The following ZKSCAN5 variants were observed in gnomAD, a reference collection of about 807,000 sequenced individuals.
The protein encoded by ZKSCAN5 is zinc finger with KRAB and SCAN domains 5.
ZKSCAN5 carries 28 observed loss-of-function variants against 60.0 expected under a neutral mutation model. The observed-to-expected ratio is 0.47, with a 90% CI of 0.35 to 0.64. The LOEUF is 0.64. Among genes scored for constraint, ZKSCAN5 ranks in the 30% least tolerant of loss-of-function variants. The pLI, the probability that ZKSCAN5 is intolerant of heterozygous loss-of-function variation, is 0.01. For missense variants in ZKSCAN5, 881 were observed against 1,034.6 expected, an observed-to-expected ratio of 0.85 and a Z score of 2.04; for synonymous variants, 361 against 371.2, an observed-to-expected ratio of 0.97 and a Z score of 0.31.
At chr7:99,518,544 A>G (rs1158402346) in intron 3 of ZKSCAN5, among the ~76,000 whole-genome samples, 1 of 151,862 alleles carries the variant, frequency 6.6e-6, no homozygotes, top group Non-Finnish European at 1.5e-5. Context: ...GATGTAGGTG[A>G]TTTATTTGTA....
In ZKSCAN5 at chr7:99,533,475, G is replaced by T; in HGVS notation, c.*1226G>T. The T allele has an allele frequency of 2.1e-6, 1 of 472,616 alleles. No homozygotes were observed. The highest frequency in any genetic ancestry group is 3.8e-6 in the Non-Finnish European group (1 of 262,130). The allele number at this position is 472,616 out of a possible 1,614,324, so 29.3% of individuals were successfully genotyped here. ...GTTGACCATATGTGTTGTACACTGTGGTGCCCTGTCCAGTCCCCTCTACCA... is the reference window on the plus strand; with the variant it reads ...GTTGACCATATGTGTTGTACACTGTTGTGCCCTGTCCAGTCCCCTCTACCA... On this transcript the variant is annotated 3_prime_UTR_variant, in exon 7 of 7. Coordinates refer to ENST00000326775, the MANE Select transcript of ZKSCAN5 (RefSeq NM_145102.4).
At chr7:99,523,482 G>C (rs1056137536) in intron 5 of ZKSCAN5, among the ~76,000 whole-genome samples, 7 of 152,114 alleles carry the variant, frequency 4.6e-5, no homozygotes, top group African/African-American at 1.7e-4. Flanking sequence ...TTAGCTAGGC[G>C]TGGTGGTGCA....
Position 99,531,694 on chromosome 7 carries a change from C to T in ZKSCAN5, c.1965C>T (p.His655=). 1 of 1,614,204 alleles carries T rather than the reference C, an allele frequency of 6.2e-7. No individual in the cohort carries two copies. The highest frequency in any genetic ancestry group is 1.7e-5 in the Admixed American group (1 of 60,016). The change falls in exon 7 of 7, where the codon CAC becomes CAT. Residue 655 remains histidine, a synonymous_variant. Transcript: ENST00000326775. ...ACCTGGCTGGACATCTTCGACTCCACTCCCGAGAGAAATCCCATCAGTGTC... is the reference window on the plus strand; with the variant it reads ...ACCTGGCTGGACATCTTCGACTCCATTCCCGAGAGAAATCCCATCAGTGTC... ...RSHLAGHLRL[H]SREKSHQCRE...
intron 1 of ZKSCAN5, 31 bp downstream of exon 1, chr7:99,504,764 G>C (rs1171593071): frequency 2.6e-5 from 4 of 152,604 alleles, no homozygotes. Context: ...GGTGGTGAGA[G>C]TAGCGAGGAT....
chr7:99,533,477 T>C lies in ZKSCAN5; in HGVS notation c.*1228T>C. ...TGACCATATGTGTTGTACACTGTGG[T>C]GCCCTGTCCAGTCCCCTCTACCAAG... On this transcript the variant is annotated 3_prime_UTR_variant, in exon 7 of 7. Coordinates refer to ENST00000326775, the MANE Select transcript of ZKSCAN5 (RefSeq NM_145102.4). 2.2e-6 allele frequency: 1 copy of C among 455,498 alleles called. No homozygotes were observed. The highest frequency in any genetic ancestry group is 3.1e-5 in the East Asian group (1 of 32,256). 28.2% of individuals were successfully genotyped at this position (455,498 alleles called of 1,614,324 possible).
rs901249443 is a variant in ZKSCAN5, at chr7:99,533,629, C to T, written c.*1380C>T. On this transcript the variant is annotated 3_prime_UTR_variant, in exon 7 of 7. Transcript: ENST00000326775. ...TCACCTCACCCAGGAGTCACTTCCT[C>T]TCTACACCCCAACACCTGGTTCATT... The T allele has an allele frequency of 2.5e-5, 10 of 405,722 alleles. No individual in the cohort carries two copies. The highest frequency in any genetic ancestry group is 3.9e-5 in the Non-Finnish European group (9 of 230,292). 25.1% of individuals were successfully genotyped at this position (405,722 alleles called of 1,614,324 possible). A position where few individuals can be genotyped will look rare whatever the true frequency, so the allele number is the denominator to read the frequency against.
At position 99,512,044 on chromosome 7, in the gene ZKSCAN5, A is replaced by G. The variant is rs113334792; in HGVS notation, c.415-409A>G. On this transcript the variant is annotated intron_variant, in intron 2 of 6. Coordinates refer to ENST00000326775, the MANE Select transcript of ZKSCAN5 (RefSeq NM_145102.4). ...TCTGACCTAGTGATCCACCTGCCTC[A>G]GCCTCCCAAAGTGCTGGGATTACAG... Among the ~76,000 whole-genome samples the G allele has an allele frequency of 8.0e-3, 1,223 of 152,222 alleles. 22 individuals carry two copies. The highest frequency in any genetic ancestry group is 0.028 in the African/African-American group (1,170 of 41,550).
In ZKSCAN5 at chr7:99,506,306, C is replaced by G; in HGVS notation, c.262C>G (p.Gln88Glu). Residue 88 changes from glutamine to glutamate, a missense_variant, in exon 2 of 7, where the codon CAG (glutamine) becomes GAG (glutamate). Physicochemically the swap from Gln to Glu is conservative, Grantham distance 29. Transcript: ENST00000326775. ...WLRPELHTKEQILELLVLEQF... is the reference protein window; with the variant it reads ...WLRPELHTKEEILELLVLEQF... ...GAGGCCCGAGCTGCACACGAAGGAG[C>G]AGATCCTGGAGCTGCTGGTGCTGGA... 6.2e-7 allele frequency: 1 copy of G among 1,614,230 alleles called. No homozygotes were observed. Among genetic ancestry groups the G allele is most frequent in the South Asian group, 1.1e-5 (1 of 91,086 alleles).
chr7:99,517,451 C>G (rs1229755518), intron 3 of ZKSCAN5, among the ~76,000 whole-genome samples: 1 of 151,988 alleles, frequency 6.6e-6, no homozygotes, highest in African/African-American at 2.4e-5. Context: ...GAGGCCGAAC[C>G]AGGTGGATCA....
In ZKSCAN5 at chr7:99,510,558, C is replaced by T. The variant is rs143581114; in HGVS notation, c.415-1895C>T. Among the ~76,000 whole-genome samples, 1,483 of 152,146 alleles carry T rather than the reference C, an allele frequency of 9.7e-3. 21 individuals are homozygous for T. The highest frequency in any genetic ancestry group is 0.034 in the African/African-American group (1,414 of 41,510). On this transcript the variant is annotated intron_variant, in intron 2 of 6. Coordinates refer to ENST00000326775, the MANE Select transcript of ZKSCAN5 (RefSeq NM_145102.4). ...CTCCCGGGTTCAAGCGATTCTCCTG[C>T]CTCAGCCTCCCGAGTAGCTGGGATT...
chr7:99,520,108 T>C (rs1801459785), intron 4 of ZKSCAN5, 61 bp from the exon 5 acceptor site: 1 of 1,594,542 alleles, frequency 6.3e-7, no homozygotes, highest in African/African-American at 1.3e-5. Flanking sequence ...AGCCCAGTTC[T>C]TCCCCTCACT....
In ZKSCAN5 at chr7:99,506,099, T is replaced by C. The variant is rs995317839; in HGVS notation, c.55T>C (p.Ser19Pro). ...VIDLDPPAET[S>P]QEQEDLFIVK... ...AGACTTAGACCCCCCAGCTGAGACT[T>C]CCCAGGAGCAGGAAGACCTTTTCAT... Residue 19 changes from serine (S) to proline (P), a missense_variant, in exon 2 of 7, where the codon TCC becomes CCC. Transcript: ENST00000326775. 3.7e-6 allele frequency: 6 copies of C among 1,614,048 alleles called. No homozygotes were observed. Among genetic ancestry groups the C allele is most frequent in the Non-Finnish European group, 5.1e-6 (6 of 1,180,000 alleles).
At chr7:99,504,873 TG>T (rs1800637073) in intron 1 of ZKSCAN5, 140 bp downstream of exon 1, 2 of 152,914 alleles carry the variant, frequency 1.3e-5, no homozygotes, top group South Asian at 2.1e-4. Flanking sequence ...CGCAGAGCGT[TG>T]GGGGTGGGGG....
rs761512051 is a variant in ZKSCAN5, at chr7:99,526,426, TGAG to T, written c.1378+12_1378+14del. The T allele has an allele frequency of 1.0e-5, 16 of 1,594,036 alleles. No homozygotes were observed. The African/African-American group carries it at 1.7e-4, about 17-fold the overall frequency. ...GGGAGAAATCCCAGAGATGTACGTG[TGAG>T]GAGTTTATATCCGGGGGATAAATGG... On this transcript the variant is annotated intron_variant, in intron 6 of 6. Coordinates refer to ENST00000326775, the MANE Select transcript of ZKSCAN5 (RefSeq NM_145102.4).
chr7:99,510,498 G>A (rs1277251082), intron 2 of ZKSCAN5, among the ~76,000 whole-genome samples: 1 of 151,952 alleles, frequency 6.6e-6, no homozygotes, highest in Non-Finnish European at 1.5e-5. Context: ...AGGCTGGAGT[G>A]CAATGGCACG....
chr7:99,518,378 G>A lies in ZKSCAN5; in HGVS notation c.554-1449G>A, dbSNP rs991792677. Reference sequence around the variant, plus strand: ...GGAGGTTGCAGTGAGCTGAGATCGCGCCACTGCACTCTAGCCTGGGCCACA... The same window carrying A: ...GGAGGTTGCAGTGAGCTGAGATCGCACCACTGCACTCTAGCCTGGGCCACA... On this transcript the variant is annotated intron_variant, in intron 3 of 6. Transcript: ENST00000326775. Among the ~76,000 whole-genome samples the A allele has an allele frequency of 3.3e-5, 5 of 151,180 alleles. No individual in the cohort carries two copies. In the East Asian group the frequency reaches 5.9e-4, roughly 18 times the overall value.
At position 99,526,182 on chromosome 7, in the gene ZKSCAN5, A is replaced by G; in HGVS notation, c.1142A>G (p.Lys381Arg). 1 of 1,614,100 alleles carries G rather than the reference A, an allele frequency of 6.2e-7. No individual in the cohort carries two copies. Among genetic ancestry groups the G allele is most frequent in the Non-Finnish European group, 8.5e-7 (1 of 1,179,964 alleles). Reference sequence around the variant, plus strand: ...CCGTTTAAGTGCGGAGAATGTGGGAAGAGCTACAATCAGCGGGTGCACCTC... The same window carrying G: ...CCGTTTAAGTGCGGAGAATGTGGGAGGAGCTACAATCAGCGGGTGCACCTC... ...EKPFKCGECG[K>R]SYNQRVHLTQ... Residue 381 changes from lysine (K) to arginine (R), a missense_variant, in exon 6 of 7, where the codon AAG becomes AGG. This residue lies in a region of ZKSCAN5 where 490 missense variants were observed against 554.5 expected (regional missense o/e 0.88). Coordinates refer to ENST00000326775, the MANE Select transcript of ZKSCAN5 (RefSeq NM_145102.4).
chr7:99,512,514 C>T lies in ZKSCAN5; in HGVS notation c.476C>T (p.Ser159Phe), dbSNP rs1335097587. The T allele has an allele frequency of 6.2e-7, 1 of 1,614,112 alleles. No homozygotes were observed. The highest frequency in any genetic ancestry group is 1.3e-5 in the African/African-American group (1 of 75,046). ...KMATPGAVQE[S>F]CSPHPLTVDT... The stretch of plus-strand genomic sequence containing the variant: ...GCAACACCTGGAGCAGTGCAGGAGT[C>T]CTGCAGCCCCCATCCCCTGACCGTG... Residue 159 changes from serine (S) to phenylalanine (F), a missense_variant, in exon 3 of 7, where the codon TCC becomes TTC. Ser to Phe is a radical substitution (Grantham distance 155). Around this residue, in one of 5 missense-constraint regions of ZKSCAN5, gnomAD observed 490 missense variants for 554.5 expected, o/e 0.88. Transcript: ENST00000326775.
intron 5 of ZKSCAN5, among the ~76,000 whole-genome samples, chr7:99,524,960 A>T (rs983578364): frequency 2.0e-5 from 3 of 150,236 alleles, no homozygotes; most frequent in Non-Finnish European, 4.4e-5. Flanking sequence ...CTAGGTCAGG[A>T]GTTCGAGACC....
Sources: allele counts gnomAD v4.1 joint callset (sites outside exome capture counted in the v4.1 genomes callset), GRCh38; gene constraint gnomAD v4.1.1; regional missense constraint gnomAD v4.1.1; transcripts MANE v1.5; gene names NCBI Gene and HGNC (gene_info 2026-07-23, HGNC 2026-07-21).